Variants in DYNC1I1 observed in about 807,000 individuals in gnomAD.
The protein encoded by DYNC1I1 is dynein cytoplasmic 1 intermediate chain 1.
Under a neutral mutation model 86.6 loss-of-function variants are expected in DYNC1I1, and 43 were observed. The ratio of observed to expected loss-of-function variants is 0.50; its 90% CI spans 0.39 to 0.64. The LOEUF is 0.64. Among genes scored for constraint, DYNC1I1 ranks in the 30% least tolerant of loss-of-function variants. DYNC1I1 has a pLI of 0.00. For missense variants in DYNC1I1, 604 were observed against 788.8 expected, an observed-to-expected ratio of 0.77 and a Z score of 2.81; for synonymous variants, 262 against 283.7, an observed-to-expected ratio of 0.92 and a Z score of 0.77.
At chr7:96,039,507 C>T in intron 14 of DYNC1I1, 86 bp downstream of exon 14, 2 of 1,568,564 alleles carry the variant, frequency 1.3e-6, no homozygotes, top group East Asian at 2.3e-5. Flanking sequence ...GTCCCTAAAG[C>T]CTCTTCCAGG....
intron 5 of DYNC1I1, among the ~76,000 whole-genome samples, chr7:95,829,779 C>T (rs1476361697): frequency 7.1e-6 from 1 of 141,382 alleles, no homozygotes; most frequent in Non-Finnish European, 1.5e-5. Flanking sequence ...TGAGAGTGAA[C>T]CCAGTGTGTT....
At chr7:96,051,848 A>AT (rs2116110909) in intron 14 of DYNC1I1, among the ~76,000 whole-genome samples, 1 of 152,212 alleles carries the variant, frequency 6.6e-6, no homozygotes, top group East Asian at 1.9e-4. Context: ...GACAAGAAAC[A>AT]TTTTTTCCTG....
At chr7:95,975,432 G>C (rs1325088993) in intron 6 of DYNC1I1, among the ~76,000 whole-genome samples, 1 of 152,130 alleles carries the variant, frequency 6.6e-6, no homozygotes, top group African/African-American at 2.4e-5. Context: ...TCCTTGGCTT[G>C]TAAAAGCATC....
intron 10 of DYNC1I1, among the ~76,000 whole-genome samples, chr7:96,022,748 CCAGCTA>C (rs2115923694): frequency 6.6e-6 from 1 of 151,958 alleles, no homozygotes; most frequent in African/African-American, 2.4e-5. Flanking sequence ...GCCTGTAATC[CCAGCTA>C]CTCAGGAGGC....
intron 10 of DYNC1I1, among the ~76,000 whole-genome samples, chr7:96,019,649 T>C (rs1005013906): frequency 6.6e-6 from 1 of 152,050 alleles, no homozygotes; most frequent in Non-Finnish European, 1.5e-5. Flanking sequence ...ACATCACAGA[T>C]CAATAGAGTC....
intron 6 of DYNC1I1, among the ~76,000 whole-genome samples, chr7:95,898,470 T>C (rs1349234458): frequency 6.6e-6 from 1 of 152,308 alleles, no homozygotes; most frequent in East Asian, 1.9e-4. Flanking sequence ...ATATAACATC[T>C]TGGGGTGATT....
chr7:95,958,336 C>T (rs1467047824), intron 6 of DYNC1I1, among the ~76,000 whole-genome samples: 1 of 152,156 alleles, frequency 6.6e-6, no homozygotes, highest in Non-Finnish European at 1.5e-5. Context: ...CACAAGTGTA[C>T]TCCTAGCGTT....
chr7:95,797,247 A>G (rs1794461678), intron 1 of DYNC1I1, among the ~76,000 whole-genome samples: 1 of 152,198 alleles, frequency 6.6e-6, no homozygotes, highest in Non-Finnish European at 1.5e-5. Context: ...TATTTTTTAC[A>G]TGAACAACTG....
intron 16 of DYNC1I1, among the ~76,000 whole-genome samples, chr7:96,085,455 A>G (rs989790041): frequency 1.3e-5 from 2 of 152,118 alleles, no homozygotes; most frequent in African/African-American, 4.8e-5. Context: ...TAAAACAGCA[A>G]TGTTTTCAGG....
intron 4 of DYNC1I1, among the ~76,000 whole-genome samples, chr7:95,819,567 A>C (rs1028652948): frequency 6.6e-6 from 1 of 152,174 alleles, no homozygotes; most frequent in African/African-American, 2.4e-5. Flanking sequence ...AAGGGAAGTC[A>C]TAAAGGAAGT....
chr7:95,954,566 A>G (rs1792652773), intron 6 of DYNC1I1, among the ~76,000 whole-genome samples: 1 of 152,028 alleles, frequency 6.6e-6, no homozygotes, highest in African/African-American at 2.4e-5. Context: ...AAACTCAATG[A>G]CATTTCCATT....
At chr7:95,818,261 C>T (rs1190361113) in intron 4 of DYNC1I1, among the ~76,000 whole-genome samples, 1 of 150,380 alleles carries the variant, frequency 6.6e-6, no homozygotes, top group Non-Finnish European at 1.5e-5. Context: ...TTCTACTTTC[C>T]AATCAATCAA....
chr7:95,857,543 T>C (rs1359804667), intron 5 of DYNC1I1, among the ~76,000 whole-genome samples: 1 of 152,214 alleles, frequency 6.6e-6, no homozygotes, highest in East Asian at 1.9e-4. Context: ...TGCTTATTGA[T>C]ATTGAAGACT....
At chr7:95,882,921 C>G (rs1037332881) in intron 6 of DYNC1I1, among the ~76,000 whole-genome samples, 1 of 152,062 alleles carries the variant, frequency 6.6e-6, no homozygotes, top group Non-Finnish European at 1.5e-5. Context: ...CCTATTTGTA[C>G]GTTGGGATCA....
intron 10 of DYNC1I1, among the ~76,000 whole-genome samples, chr7:96,003,261 C>G (rs1016392456): frequency 1.1e-4 from 16 of 152,206 alleles, no homozygotes; most frequent in African/African-American, 3.6e-4. Flanking sequence ...GGCTAGACTA[C>G]TCACACTGAT....
chr7:95,816,165 G>A (rs537684518), intron 4 of DYNC1I1, among the ~76,000 whole-genome samples: 64 of 152,158 alleles, frequency 4.2e-4, no homozygotes, highest in South Asian at 2.3e-3. Flanking sequence ...CTACAGCCAT[G>A]CACCACCATG....
intron 1 of DYNC1I1, among the ~76,000 whole-genome samples, chr7:95,782,439 T>C (rs1174263921): frequency 6.6e-6 from 1 of 152,190 alleles, no homozygotes; most frequent in Non-Finnish European, 1.5e-5. Context: ...CCTGAGCCAT[T>C]TGTGGGACTT....
At chr7:95,923,000 A>G (rs1791650755) in intron 6 of DYNC1I1, among the ~76,000 whole-genome samples, 1 of 152,088 alleles carries the variant, frequency 6.6e-6, no homozygotes. Context: ...TTTTTAATTC[A>G]AATTAAAATT....
intron 6 of DYNC1I1, among the ~76,000 whole-genome samples, chr7:95,901,574 G>C (rs752549981): frequency 2.4e-4 from 36 of 152,086 alleles, no homozygotes; most frequent in Non-Finnish European, 4.7e-4. Flanking sequence ...CCCAAGTGTG[G>C]CTCTTGAACT....
Sources: gnomAD v4.1 joint callset for allele counts (sites outside exome capture counted in the v4.1 genomes callset) on GRCh38, gnomAD v4.1.1 for gene constraint, MANE v1.5 for transcripts, NCBI Gene and HGNC (gene_info 2026-07-23, HGNC 2026-07-21) for gene names.